Variants in DPP10 observed in about 807,000 individuals in gnomAD.
DPP10 encodes inactive dipeptidyl peptidase 10.
DPP10 carries 33 observed loss-of-function variants against 120.9 expected under a neutral mutation model. The ratio of observed to expected loss-of-function variants is 0.27; its 90% confidence interval spans 0.21 to 0.37. The LOEUF (loss-of-function observed/expected upper bound fraction) is 0.37, where lower values mean the gene tolerates loss of function less well. Among genes scored for constraint, DPP10 ranks in the 10% least tolerant of loss-of-function variants. The pLI is 1.00. For missense variants in DPP10, 816 were observed against 942.8 expected (o/e 0.87, Z 1.76); for synonymous variants, 337 against 326.1 (o/e 1.03, Z -0.36).
intron 1 of DPP10, among the ~76,000 whole-genome samples, chr2:114,743,076 C>G (rs891101378): frequency 6.6e-6 from 1 of 152,162 alleles, no homozygotes; most frequent in African/African-American, 2.4e-5. Context: ...CAACTGAAAT[C>G]CATTTTCTTC....
intron 5 of DPP10, among the ~76,000 whole-genome samples, chr2:115,584,725 G>A (rs1385592905): frequency 6.6e-6 from 1 of 152,160 alleles, no homozygotes; most frequent in Non-Finnish European, 1.5e-5. Flanking sequence ...TTGCTGAGCA[G>A]CAGCTGTCCA....
At chr2:114,968,371 A>G (rs1049653126) in intron 1 of DPP10, among the ~76,000 whole-genome samples, 4 of 152,170 alleles carry the variant, frequency 2.6e-5, no homozygotes, top group Non-Finnish European at 5.9e-5. Flanking sequence ...ATAGACTTCA[A>G]TTTTAATAGG....
chr2:114,658,547 T>G (rs937689476), intron 1 of DPP10, among the ~76,000 whole-genome samples: 5 of 152,182 alleles, frequency 3.3e-5, no homozygotes, highest in African/African-American at 1.2e-4. Flanking sequence ...CAGGATCCAC[T>G]AGGGTTGGGT....
intron 1 of DPP10, among the ~76,000 whole-genome samples, chr2:114,501,918 C>A (rs904109369): frequency 6.9e-6 from 1 of 145,634 alleles, no homozygotes; most frequent in African/African-American, 2.5e-5. Flanking sequence ...TGAGAAAAAA[C>A]GAAGATTGAT....
At chr2:115,802,144 T>C (rs1208252205) in intron 19 of DPP10, among the ~76,000 whole-genome samples, 8 of 152,324 alleles carry the variant, frequency 5.3e-5, no homozygotes, top group South Asian at 4.1e-4. Flanking sequence ...ATTCAACTTC[T>C]TCCTGGTTTA....
chr2:115,293,113 A>G (rs2060728570), intron 1 of DPP10, among the ~76,000 whole-genome samples: 1 of 152,050 alleles, frequency 6.6e-6, no homozygotes, highest in African/African-American at 2.4e-5. Context: ...AAGACTAGCA[A>G]GTAAGCCACA....
chr2:114,975,764 C>T (rs1435507619), intron 1 of DPP10, among the ~76,000 whole-genome samples: 1 of 152,112 alleles, frequency 6.6e-6, no homozygotes, highest in East Asian at 1.9e-4. Context: ...AATTCTCCTG[C>T]CTCAGCCTCC....
chr2:114,931,576 G>T (rs1696071834), intron 1 of DPP10, among the ~76,000 whole-genome samples: 1 of 152,168 alleles, frequency 6.6e-6, no homozygotes, highest in African/African-American at 2.4e-5. Flanking sequence ...TCCAACATCA[G>T]GATCAAATTT....
intron 3 of DPP10, among the ~76,000 whole-genome samples, chr2:115,423,958 A>G (rs868725962): frequency 6.6e-6 from 1 of 152,158 alleles, no homozygotes; most frequent in African/African-American, 2.4e-5. Flanking sequence ...CTCAGGTACA[A>G]CTATCAAATA....
chr2:115,439,586 A>G (rs1574849596), intron 3 of DPP10, among the ~76,000 whole-genome samples: 1 of 152,196 alleles, frequency 6.6e-6, no homozygotes, highest in Admixed American at 6.6e-5. Context: ...ATTGGAATAC[A>G]TGCTGTTTTA....
chr2:115,812,110 A>G (rs1320501710), intron 19 of DPP10, among the ~76,000 whole-genome samples: 1 of 152,226 alleles, frequency 6.6e-6, no homozygotes, highest in Non-Finnish European at 1.5e-5. Context: ...TTATAGACAC[A>G]GACTGAGTCC....
chr2:114,498,873 A>G (rs1401758483), intron 1 of DPP10, among the ~76,000 whole-genome samples: 1 of 152,242 alleles, frequency 6.6e-6, no homozygotes, highest in Admixed American at 6.5e-5. Context: ...AGCTATTCAC[A>G]ATAGTCAAGA....
chr2:115,034,355 T>C lies in DPP10; in HGVS notation c.61-274884T>C, dbSNP rs145596943. Among the ~76,000 whole-genome samples, 1,103 of 152,286 alleles carry C rather than the reference T, an allele frequency of 7.2e-3. 9 individuals carry two copies. Among genetic ancestry groups the C allele is most frequent in the African/African-American group, 0.025 (1,055 of 41,554 alleles). On this transcript the variant is annotated intron_variant, in intron 1 of 25. Coordinates refer to ENST00000410059, the MANE Select transcript of DPP10 (RefSeq NM_020868.6). Reference sequence around the variant, plus strand: ...TTTTCTCTCTTCTCTCCTTGATCTATCAAGAATCATTAATCCACAAACAAG... The same window carrying C: ...TTTTCTCTCTTCTCTCCTTGATCTACCAAGAATCATTAATCCACAAACAAG...
intron 24 of DPP10, among the ~76,000 whole-genome samples, chr2:115,837,179 A>G (rs1323086429): frequency 6.6e-6 from 1 of 152,234 alleles, no homozygotes; most frequent in Non-Finnish European, 1.5e-5. Context: ...AGCTGCAAGC[A>G]CTGACATGAA....
intron 3 of DPP10, among the ~76,000 whole-genome samples, chr2:115,487,175 T>G (rs537829601): frequency 3.0e-4 from 44 of 148,584 alleles, no homozygotes; most frequent in African/African-American, 1.0e-3. Flanking sequence ...TTACAAGGGA[T>G]GTGAAGGACC....
intron 1 of DPP10, among the ~76,000 whole-genome samples, chr2:114,645,057 A>G (rs1485138710): frequency 1.3e-5 from 2 of 150,678 alleles, no homozygotes; most frequent in Non-Finnish European, 2.9e-5. Context: ...TACTTTGCCA[A>G]ATTAAGACAT....
chr2:115,315,176 A>G (rs530317675), intron 2 of DPP10, among the ~76,000 whole-genome samples: 4 of 144,970 alleles, frequency 2.8e-5, no homozygotes, highest in Non-Finnish European at 4.6e-5. Context: ...CTCTGTTCCT[A>G]TTGTTAAGAC....
chr2:115,392,673 G>A lies in DPP10; in HGVS notation c.271+48761G>A, dbSNP rs180802455. On this transcript the variant is annotated intron_variant, in intron 3 of 25. Coordinates refer to ENST00000410059, the MANE Select transcript of DPP10 (RefSeq NM_020868.6). The stretch of plus-strand genomic sequence containing the variant: ...AGCAAGATATTATAGTTTATAGATC[G>A]GACTGTATTTAATATAGTTTGTATT... Among the ~76,000 whole-genome samples the A allele has an allele frequency of 4.9e-3, 746 of 152,028 alleles. 8 individuals are homozygous for A. Among genetic ancestry groups the A allele is most frequent in the African/African-American group, 0.016 (667 of 41,500 alleles).
chr2:115,270,091 CACACACACACACACACACACACAG>C (rs1271186481), intron 1 of DPP10, among the ~76,000 whole-genome samples: 1 of 148,898 alleles, frequency 6.7e-6, no homozygotes, highest in African/African-American at 2.6e-5. Flanking sequence ...CACACACACA[CACACACACACACACACACACACAG>C]ACACACACAC....
Sources: allele counts gnomAD v4.1 joint callset (sites outside exome capture counted in the v4.1 genomes callset), GRCh38; gene constraint gnomAD v4.1.1; transcripts MANE v1.5; gene names NCBI Gene and HGNC (gene_info 2026-07-23, HGNC 2026-07-21).